Variants in USP5 observed in about 807,000 individuals in gnomAD.
USP5 encodes ubiquitin specific peptidase 5, also known as ubiquitin carboxyl-terminal hydrolase 5.
USP5 carries 24 observed loss-of-function variants against 102.5 expected under a neutral mutation model. That is an observed-to-expected ratio of 0.23 (90% CI 0.17 to 0.33). USP5 has a LOEUF of 0.33. Among genes scored for constraint, USP5 ranks in the 10% least tolerant of loss-of-function variants. The pLI, the probability that USP5 is intolerant of heterozygous loss-of-function variation, is 1.00. For missense variants in USP5, 753 were observed against 1,122.1 expected (o/e 0.67, Z 4.70); for synonymous variants, 460 against 434.8 (o/e 1.06, Z -0.72).
At chr12:6,852,423 C>T (rs1442226313) in intron 1 of USP5, 133 bp downstream of exon 1, 3 of 941,988 alleles carry the variant, frequency 3.2e-6, no homozygotes, top group Non-Finnish European at 4.7e-6. Flanking sequence ...CCACGCTCCA[C>T]TCTGCCGTTG....
In USP5 at chr12:6,864,655, C is replaced by G. The variant is rs1200186271; in HGVS notation, c.2245-67C>G. On this transcript the variant is annotated intron_variant, in intron 17 of 19. Transcript: ENST00000229268. This position sits in a 1 kb window ranked among gnomAD's most constrained non-coding sequence, Gnocchi z 4.8. ...AGTGAGCCGAGATCGCGCCACTGCA[C>G]TCCAGCCTGGGCGACAGAGCAAGAC... 1 of 1,544,072 alleles carries G rather than the reference C, an allele frequency of 6.5e-7. No individual in the cohort carries two copies. The highest frequency in any genetic ancestry group is 8.7e-7 in the Non-Finnish European group (1 of 1,144,902).
rs1489451120 is a variant in USP5 at position 6,861,874 on chromosome 12, C to T, written c.1673+257C>T. ...AGGGTCTCTTTGTAGTGTAGCCTCT[C>T]TTCATTGCCCCTCAGTCATGGCTGA... On this transcript the variant is annotated intron_variant, in intron 13 of 19. Transcript: ENST00000229268. The surrounding 1 kb of genome is among the most constrained non-coding windows in gnomAD (Gnocchi z 4.9). Among the ~76,000 whole-genome samples the T allele has an allele frequency of 2.0e-5, 3 of 152,230 alleles. No homozygotes were observed. Among genetic ancestry groups the T allele is most frequent in the Non-Finnish European group, 4.4e-5 (3 of 68,036 alleles).
rs890105905 is a variant in USP5 at position 6,859,508 on chromosome 12, C to T, written c.1097C>T (p.Pro366Leu). 6.2e-6 allele frequency: 10 copies of T among 1,614,012 alleles called. No homozygotes were observed. Among genetic ancestry groups the T allele is most frequent in the East Asian group, 4.5e-5 (2 of 44,888 alleles). ...DKLEKIFQNA[P>L]TDPTQDFSTQ... ...CTGGAGAAGATCTTCCAGAATGCCC[C>T]GACGGACCCTACCCAGGATTTCAGC... The change falls in exon 9 of 20, where the codon CCG becomes CTG. Residue 366 changes from proline (P) to leucine (L), a missense_variant. Physicochemically the swap from Pro to Leu is moderately conservative, Grantham distance 98 (BLOSUM62 -3). Transcript: ENST00000229268.
At position 6,863,368 on chromosome 12, in the gene USP5, T is replaced by C; in HGVS notation, c.1945T>C (p.Ser649Pro). The C allele has an allele frequency of 6.2e-7, 1 of 1,613,666 alleles. No individual in the cohort carries two copies. The highest frequency in any genetic ancestry group is 8.5e-7 in the Non-Finnish European group (1 of 1,179,708). The change falls in exon 15 of 20, where the codon TCT (serine) becomes CCT (proline). Residue 649 changes from serine (S) to proline (P), a missense_variant. Physicochemically the swap from Ser to Pro is moderately conservative, Grantham distance 74. Around this residue, in one of 3 missense-constraint regions of USP5, gnomAD observed 193 missense variants for 230.2 expected, o/e 0.84. Coordinates refer to ENST00000229268, the MANE Select transcript of USP5 (RefSeq NM_001098536.2). This position sits in a 1 kb window ranked among gnomAD's most constrained non-coding sequence, Gnocchi z 4.7. ...CTCCTTCTGCTCCCCTCACTTCTCC[T>C]CTCCGACATGTTAGTGACTCTTCTT... Reference protein sequence around the residue: ...EDSFCSPHFSSPTSPMLDESV... With the variant: ...EDSFCSPHFSPPTSPMLDESV...
At position 6,864,620 on chromosome 12, in the gene USP5, C is replaced by T. The variant is rs1297937371; in HGVS notation, c.2245-102C>T. On this transcript the variant is annotated intron_variant, in intron 17 of 19. Coordinates refer to ENST00000229268, the MANE Select transcript of USP5 (RefSeq NM_001098536.2). This position sits in a 1 kb window ranked among gnomAD's most constrained non-coding sequence, Gnocchi z 4.8. Reference sequence around the variant, plus strand: ...AGGAGAAAGGCGTGAACCCGGGAGGCGGAGCTTGCAGTGAGCCGAGATCGC... The same window carrying T: ...AGGAGAAAGGCGTGAACCCGGGAGGTGGAGCTTGCAGTGAGCCGAGATCGC... 14 of 1,341,634 alleles carry T rather than the reference C, an allele frequency of 1.0e-5. No individual in the cohort carries two copies. Among genetic ancestry groups the T allele is most frequent in the South Asian group, 8.1e-5 (6 of 74,190 alleles). The allele number at this position is 1,341,634 out of a possible 1,614,324, so 83.1% of individuals were successfully genotyped here.
Position 6,866,289 on chromosome 12 carries a change from G to T in USP5, c.*212G>T, listed in dbSNP as rs1944443479. The T allele has an allele frequency of 3.6e-6, 2 of 551,852 alleles. No homozygotes were observed. Among genetic ancestry groups the T allele is most frequent in the East Asian group, 5.7e-5 (2 of 34,856 alleles). 34.2% of individuals were successfully genotyped at this position (551,852 alleles called of 1,614,324 possible). ...GGATGGAGCAGGACGGGGACGGGAG[G>T]GGCCGGCCACCTGTCTGTAAGGAGA... On this transcript the variant is annotated 3_prime_UTR_variant, in exon 20 of 20. Coordinates refer to ENST00000229268, the MANE Select transcript of USP5 (RefSeq NM_001098536.2). The surrounding 1 kb of genome is among the most constrained non-coding windows in gnomAD (Gnocchi z 4.7).
In USP5 at chr12:6,852,414, C is replaced by T. The variant is rs897297634; in HGVS notation, c.111+124C>T. 43 of 983,072 alleles carry T rather than the reference C, an allele frequency of 4.4e-5. No individual in the cohort carries two copies. In the African/African-American group the frequency reaches 6.5e-4, roughly 15 times the overall value. 60.9% of individuals were successfully genotyped at this position (983,072 alleles called of 1,614,324 possible). A position where few individuals can be genotyped will look rare whatever the true frequency, so the allele number is the denominator to read the frequency against. ...ATGCACCATGGGACTTGTAGTCTCCCACGCTCCACTCTGCCGTTGCCTTTC... is the reference window on the plus strand; with the variant it reads ...ATGCACCATGGGACTTGTAGTCTCCTACGCTCCACTCTGCCGTTGCCTTTC... On this transcript the variant is annotated intron_variant, in intron 1 of 19. Coordinates refer to ENST00000229268, the MANE Select transcript of USP5 (RefSeq NM_001098536.2).
chr12:6,855,508 C>T lies in USP5; in HGVS notation c.219C>T (p.Leu73=). Residue 73 remains leucine (L), a synonymous_variant, in exon 2 of 20, where the codon CTC becomes CTT. Coordinates refer to ENST00000229268, the MANE Select transcript of USP5 (RefSeq NM_001098536.2). The surrounding 1 kb of genome is among the most constrained non-coding windows in gnomAD (Gnocchi z 4.6). ...CCGGCCAGCGAGTCTACTTGCACCT[C>T]CGGCGGACCCGGCGCCCGGTAGGAG... ...NKTGQRVYLH[L]RRTRRPKEED... is the part of the protein sequence containing the mutation. 6.2e-7 allele frequency: 1 copy of T among 1,614,180 alleles called. No homozygotes were observed. The highest frequency in any genetic ancestry group is 8.5e-7 in the Non-Finnish European group (1 of 1,180,038).
intron 1 of USP5, among the ~76,000 whole-genome samples, chr12:6,852,709 G>C (rs891295687): frequency 1.3e-5 from 2 of 152,230 alleles, no homozygotes; most frequent in Non-Finnish European, 2.9e-5. Context: ...GTTCTCGGCC[G>C]GGGTTGGAGT....
chr12:6,857,817 C>T, intron 7 of USP5, 94 bp downstream of exon 7: 1 of 1,265,588 alleles, frequency 7.9e-7, no homozygotes, highest in Non-Finnish European at 1.1e-6. Flanking sequence ...TTGGAGAAAT[C>T]TTCTAGTTAA....
At chr12:6,852,536 C>T (rs1404456704) in intron 1 of USP5, among the ~76,000 whole-genome samples, 2 of 152,292 alleles carry the variant, frequency 1.3e-5, no homozygotes, top group Non-Finnish European at 2.9e-5. Context: ...ATTGTAGTCA[C>T]TCACTGCCTT....
Position 6,864,127 on chromosome 12 carries a change from G to A in USP5, c.2176G>A (p.Asp726Asn). 2 of 1,614,104 alleles carry A rather than the reference G, an allele frequency of 1.2e-6. No individual in the cohort carries two copies. Among genetic ancestry groups the A allele is most frequent in the Non-Finnish European group, 1.7e-6 (2 of 1,179,996 alleles). ...TSAAADPPPEDCVTTIVSMGF... is the reference protein window; with the variant it reads ...TSAAADPPPENCVTTIVSMGF... ...CGCAGCAGCCGACCCCCCTCCTGAG[G>A]ACTGTGTGACCACCATTGTCTCCAT... Residue 726 changes from aspartate (D) to asparagine (N), a missense_variant, in exon 17 of 20, where the codon GAC becomes AAC. Physicochemically the swap from Asp to Asn is conservative, Grantham distance 23 (BLOSUM62 1). Transcript: ENST00000229268. The surrounding 1 kb of genome is among the most constrained non-coding windows in gnomAD (Gnocchi z 4.8).
Position 6,856,461 on chromosome 12 carries a change from G to A in USP5, c.584+11G>A, listed in dbSNP as rs1476919823. On this transcript the variant is annotated intron_variant, in intron 5 of 19. Coordinates refer to ENST00000229268, the MANE Select transcript of USP5 (RefSeq NM_001098536.2). This position sits in a 1 kb window ranked among gnomAD's most constrained non-coding sequence, Gnocchi z 5.6. ...TCGAATCCCTCCCTGGTGAGGCCTG[G>A]CCCCTCTGCCTCGGGCACCACCCCC... 1 of 1,600,268 alleles carries A rather than the reference G, an allele frequency of 6.2e-7. No homozygotes were observed. Among genetic ancestry groups the A allele is most frequent in the Non-Finnish European group, 8.5e-7 (1 of 1,172,626 alleles).
intron 19 of USP5, 90 bp downstream of exon 19, chr12:6,865,338 G>C (rs1249374388): frequency 2.5e-5 from 31 of 1,219,786 alleles, no homozygotes; most frequent in Non-Finnish European, 3.3e-5. Flanking sequence ...TATGGGAGAA[G>C]GTGAAGGGAC....
In USP5 at chr12:6,856,508, CT is replaced by C; in HGVS notation, c.584+62del. On this transcript the variant is annotated intron_variant, in intron 5 of 19. Transcript: ENST00000229268. The surrounding 1 kb of genome is among the most constrained non-coding windows in gnomAD (Gnocchi z 5.6). ...CCCCAGAGCAAGGACAAGGAGCCCACTTTTCTGGGGGATCTGGTGGGAGAGA... is the reference window on the plus strand; with the variant it reads ...CCCCAGAGCAAGGACAAGGAGCCCACTTTCTGGGGGATCTGGTGGGAGAGA... 6.4e-7 allele frequency: 1 copy of C among 1,565,780 alleles called. No homozygotes were observed.
chr12:6,861,262 C>T lies in USP5; in HGVS notation c.1498+156C>T, dbSNP rs1287960612. On this transcript the variant is annotated intron_variant, in intron 12 of 19. Transcript: ENST00000229268. This position sits in a 1 kb window ranked among gnomAD's most constrained non-coding sequence, Gnocchi z 4.9. ...CAGGAGTAGGTAGATTAACCTCGTC[C>T]AGTGGACACTCAGCTTGTTAGCAGA... is the stretch of plus-strand genomic sequence containing the variant. 3.3e-5 allele frequency among the ~76,000 whole-genome samples: 5 copies of T among 152,232 alleles called. No homozygotes were observed. The highest frequency in any genetic ancestry group is 5.9e-5 in the Non-Finnish European group (4 of 68,042).
At position 6,866,199 on chromosome 12, in the gene USP5, A is replaced by T. The variant is rs1283668538; in HGVS notation, c.*122A>T. The stretch of plus-strand genomic sequence containing the variant: ...CCTTTTTCCTTTTGTCCCCGGCAGC[A>T]GGGAAGAAGCTGGAGGCCGTGGGAG... On this transcript the variant is annotated 3_prime_UTR_variant, in exon 20 of 20. Coordinates refer to ENST00000229268, the MANE Select transcript of USP5 (RefSeq NM_001098536.2). The surrounding 1 kb of genome is among the most constrained non-coding windows in gnomAD (Gnocchi z 4.7). 1 of 915,544 alleles carries T rather than the reference A, an allele frequency of 1.1e-6. No individual in the cohort carries two copies. Among genetic ancestry groups the T allele is most frequent in the African/African-American group, 1.7e-5 (1 of 59,704 alleles). 56.7% of individuals were successfully genotyped at this position (915,544 alleles called of 1,614,324 possible).
chr12:6,855,970 A>G lies in USP5; in HGVS notation c.305-47A>G. The G allele has an allele frequency of 1.9e-6, 3 of 1,612,064 alleles. No individual in the cohort carries two copies. Among genetic ancestry groups the G allele is most frequent in the Non-Finnish European group, 2.5e-6 (3 of 1,178,486 alleles). On this transcript the variant is annotated intron_variant, in intron 3 of 19. Coordinates refer to ENST00000229268, the MANE Select transcript of USP5 (RefSeq NM_001098536.2). The surrounding 1 kb of genome is among the most constrained non-coding windows in gnomAD (Gnocchi z 4.6). ...GTGCTGGCTCGGAGGAGGGACATTG[A>G]CCTGTTGTCATTGCTCTACTCTCCC...
Position 6,856,808 on chromosome 12 carries a change from G to A in USP5, c.686G>A (p.Gly229Asp). 1 of 1,614,140 alleles carries A rather than the reference G, an allele frequency of 6.2e-7. No individual in the cohort carries two copies. The highest frequency in any genetic ancestry group is 8.5e-7 in the Non-Finnish European group (1 of 1,180,020). ...CGRRYFDGSG[G>D]NNHAVEHYRE... ...CGACGCTACTTCGATGGCAGTGGGG[G>A]CAACAACCACGCTGTGGAGCACTAC... The change falls in exon 6 of 20, where the codon GGC becomes GAC. Residue 229 changes from glycine to aspartate, a missense_variant. Around this residue, in one of 3 missense-constraint regions of USP5, gnomAD observed 527 missense variants for 816.5 expected, o/e 0.65. Transcript: ENST00000229268. This position sits in a 1 kb window ranked among gnomAD's most constrained non-coding sequence, Gnocchi z 5.6.
Sources: allele counts gnomAD v4.1 joint callset (sites outside exome capture counted in the v4.1 genomes callset), GRCh38; gene constraint gnomAD v4.1.1; regional missense constraint gnomAD v4.1.1; non-coding constraint Gnocchi (gnomAD v3.1); transcripts MANE v1.5; gene names NCBI Gene and HGNC (gene_info 2026-07-23, HGNC 2026-07-21).